Variants in MARCHF11 observed in about 807,000 individuals in gnomAD.
MARCHF11 encodes the protein E3 ubiquitin-protein ligase MARCHF11.
Under a neutral mutation model 37.3 loss-of-function variants are expected in MARCHF11, and 29 were observed. That is an observed-to-expected ratio of 0.78 (90% CI 0.58 to 1.06). The LOEUF (loss-of-function observed/expected upper bound fraction) is 1.06. MARCHF11 is among the 50% of genes least tolerant of loss of function. MARCHF11 has a pLI of 0.00. For synonymous variants in MARCHF11, 233 were observed against 228.0 expected (o/e 1.02, Z -0.20); for missense variants, 482 against 533.4 (o/e 0.90, Z 0.95).
chr5:16,171,048 A>G (rs1463915704), intron 2 of MARCHF11, among the ~76,000 whole-genome samples: 1 of 152,192 alleles, frequency 6.6e-6, no homozygotes, highest in Non-Finnish European at 1.5e-5. Flanking sequence ...ACTGTTTCAA[A>G]GAAGCAATGG....
chr5:16,067,609 G>T lies in MARCHF11; in HGVS notation c.1071C>A (p.Val357=), dbSNP rs753029219. 6.2e-7 allele frequency: 1 copy of T among 1,613,784 alleles called. No homozygotes were observed. Among genetic ancestry groups the T allele is most frequent in the Non-Finnish European group, 8.5e-7 (1 of 1,179,854 alleles). The change falls in exon 4 of 4, where the codon GTC becomes GTA. Residue 357 remains valine, a synonymous_variant. Transcript: ENST00000332432. ...PLTALRNRNL[V]HPTQLTSPRF... is the part of the protein sequence containing the mutation. ...TTGGTGAGGTTAACTGAGTTGGGTG[G>T]ACCAAGTTTCTGTTCCGCAGAGCTG... is the stretch of plus-strand genomic sequence containing the variant.
chr5:16,120,567 C>T (rs1187737064), intron 2 of MARCHF11, among the ~76,000 whole-genome samples: 1 of 152,250 alleles, frequency 6.6e-6, no homozygotes, highest in African/African-American at 2.4e-5. Context: ...TGTAAACTTA[C>T]ATTCACACCT....
chr5:16,100,038 C>G (rs1345819492), intron 2 of MARCHF11, among the ~76,000 whole-genome samples: 1 of 152,140 alleles, frequency 6.6e-6, no homozygotes, highest in African/African-American at 2.4e-5. Flanking sequence ...TGGCAATGTG[C>G]TCAGTATGAT....
chr5:16,116,944 A>G (rs919744801), intron 2 of MARCHF11, among the ~76,000 whole-genome samples: 1 of 152,224 alleles, frequency 6.6e-6, no homozygotes, highest in Admixed American at 6.5e-5. Flanking sequence ...CGCTGCCCAG[A>G]TGAGACATTT....
At chr5:16,158,012 A>C (rs1738005619) in intron 2 of MARCHF11, among the ~76,000 whole-genome samples, 2 of 151,972 alleles carry the variant, frequency 1.3e-5, no homozygotes, top group African/African-American at 2.4e-5. Context: ...CCAATTAAAA[A>C]GTGGGCACAG....
At chr5:16,096,560 A>G (rs1192965214) in intron 2 of MARCHF11, among the ~76,000 whole-genome samples, 3 of 152,202 alleles carry the variant, frequency 2.0e-5, no homozygotes, top group Non-Finnish European at 2.9e-5. Context: ...GAGAAATTAG[A>G]AAAGCACTCC....
At chr5:16,153,619 T>A (rs977560863) in intron 2 of MARCHF11, among the ~76,000 whole-genome samples, 5 of 152,048 alleles carry the variant, frequency 3.3e-5, no homozygotes, top group African/African-American at 1.2e-4. Context: ...TTCAATAAAC[T>A]ATTTATTGAT....
chr5:16,135,962 G>A (rs1361624754), intron 2 of MARCHF11, among the ~76,000 whole-genome samples: 2 of 151,094 alleles, frequency 1.3e-5, no homozygotes, highest in East Asian at 3.9e-4. Context: ...GGGCGAGAAA[G>A]AGCAAAATGA....
rs114903837 is a variant in MARCHF11 at position 16,079,253 on chromosome 5, A to G, written c.887-11460T>C. ...GAAGCTCTCCCATCCCATTGTTGAC[A>G]ACCTCCAATGCCTCCCACTCACCCA... On this transcript the variant is annotated intron_variant, in intron 3 of 3. Coordinates refer to ENST00000332432, the MANE Select transcript of MARCHF11 (RefSeq NM_001102562.3). 8.3e-3 allele frequency among the ~76,000 whole-genome samples: 1,261 copies of G among 152,208 alleles called. 20 individuals are homozygous for G. Among genetic ancestry groups the G allele is most frequent in the African/African-American group, 0.028 (1,182 of 41,520 alleles).
At chr5:16,091,525 T>A (rs549599598) in intron 2 of MARCHF11, among the ~76,000 whole-genome samples, 1 of 152,078 alleles carries the variant, frequency 6.6e-6, no homozygotes. Context: ...TAGAAAAAAA[T>A]GTAAAAAGCA....
intron 2 of MARCHF11, among the ~76,000 whole-genome samples, chr5:16,137,680 TAG>T (rs2126589093): frequency 6.6e-6 from 1 of 152,284 alleles, no homozygotes; most frequent in South Asian, 2.1e-4. Context: ...TGGCACTTTC[TAG>T]AGACTTATTG....
At chr5:16,164,761 T>C (rs1738142478) in intron 2 of MARCHF11, among the ~76,000 whole-genome samples, 1 of 152,074 alleles carries the variant, frequency 6.6e-6, no homozygotes, top group Non-Finnish European at 1.5e-5. Context: ...TGCTTCTACT[T>C]TAAAGGCATC....
chr5:16,148,814 CAG>C (rs1197157428), intron 2 of MARCHF11, among the ~76,000 whole-genome samples: 1 of 152,030 alleles, frequency 6.6e-6, no homozygotes, highest in African/African-American at 2.4e-5. Context: ...AAGAGAAAGA[CAG>C]AGAGAGAGGG....
At chr5:16,081,272 T>C (rs1469446613) in intron 3 of MARCHF11, among the ~76,000 whole-genome samples, 2 of 152,158 alleles carry the variant, frequency 1.3e-5, no homozygotes, top group African/African-American at 4.8e-5. Flanking sequence ...TCCACAAACC[T>C]TTTCTGTAAA....
At chr5:16,093,665 T>C (rs1736820703) in intron 2 of MARCHF11, among the ~76,000 whole-genome samples, 1 of 152,200 alleles carries the variant, frequency 6.6e-6, no homozygotes, top group Non-Finnish European at 1.5e-5. Context: ...ACAGGGACGC[T>C]TCACGCTTGT....
intron 2 of MARCHF11, among the ~76,000 whole-genome samples, chr5:16,170,713 A>G (rs1368829174): frequency 6.6e-6 from 1 of 152,158 alleles, no homozygotes; most frequent in Non-Finnish European, 1.5e-5. Flanking sequence ...AATGTCAGCA[A>G]TATTGAGCTG....
At chr5:16,147,935 A>T (rs1398324504) in intron 2 of MARCHF11, among the ~76,000 whole-genome samples, 1 of 152,116 alleles carries the variant, frequency 6.6e-6, no homozygotes, top group Non-Finnish European at 1.5e-5. Flanking sequence ...CAATGAGATG[A>T]ATGAAGGAGA....
At chr5:16,109,855 C>T (rs1184977286) in intron 2 of MARCHF11, among the ~76,000 whole-genome samples, 1 of 152,164 alleles carries the variant, frequency 6.6e-6, no homozygotes, top group Non-Finnish European at 1.5e-5. Context: ...TGTGGAAAAT[C>T]CCCCACATGC....
intron 2 of MARCHF11, among the ~76,000 whole-genome samples, chr5:16,171,268 A>T (rs182893366): frequency 8.6e-4 from 66 of 76,650 alleles, no homozygotes; most frequent in African/African-American, 3.3e-3. Context: ...CCCCAACCCC[A>T]TGGAGCTAAG....
Sources: allele counts gnomAD v4.1 joint callset (sites outside exome capture counted in the v4.1 genomes callset), GRCh38; gene constraint gnomAD v4.1.1; transcripts MANE v1.5; gene names NCBI Gene and HGNC (gene_info 2026-07-23, HGNC 2026-07-21).